The following ZBED6 variants were observed in gnomAD, a reference collection of about 807,000 sequenced individuals.
The protein encoded by ZBED6 is zinc finger BED-type containing 6, also known as zinc finger BED domain-containing protein 6.
A neutral mutation model predicts 58.4 loss-of-function variants in ZBED6; 40 were observed. The ratio of observed to expected loss-of-function variants is 0.68; its 90% CI spans 0.53 to 0.89. The LOEUF (loss-of-function observed/expected upper bound fraction) is 0.89. Among genes scored for constraint, ZBED6 ranks in the 40% least tolerant of loss-of-function variants. ZBED6 has a pLI of 0.00. For missense variants in ZBED6, 1,057 were observed against 1,003.9 expected (o/e 1.05, Z -0.71); for synonymous variants, 439 against 350.6 (o/e 1.25, Z -2.82).
chr1:203,826,368 T>C (rs1356140696), intron 3 of ZBED6, among the ~76,000 whole-genome samples: 2 of 148,878 alleles, frequency 1.3e-5, no homozygotes, highest in African/African-American at 2.5e-5. Flanking sequence ...TAAATAAATA[T>C]TGATTAATAA....
chr1:203,820,487 T>TGTGTGTGTG (rs1553263519), intron 3 of ZBED6, among the ~76,000 whole-genome samples: 3 of 152,048 alleles, frequency 2.0e-5, no homozygotes, highest in Non-Finnish European at 2.9e-5. Context: ...TGTGTGTATA[T>TGTGTGTGTG]TTTGAGTTGA....
intron 4 of ZBED6, 43 bp downstream of exon 4, chr1:203,828,465 C>A: frequency 1.3e-6 from 2 of 1,562,550 alleles, no homozygotes; most frequent in East Asian, 2.4e-5. Context: ...AAATGAACAC[C>A]TATTATGCAC....
At position 203,831,760 on chromosome 1, in the gene ZBED6, C is replaced by G. The variant is rs371694128; in HGVS notation, c.*3499C>G. 2.7e-5 allele frequency: 44 copies of G among 1,611,518 alleles called. No individual in the cohort carries two copies. The highest frequency in any genetic ancestry group is 2.7e-4 in the Admixed American group (16 of 59,798). ...ACTGTGGTGAGGACAGTAACTCTCT[C>G]CACCAAACAAGGTAAGGTATAGATA... On this transcript the variant is annotated 3_prime_UTR_variant, in exon 8 of 17. Coordinates refer to ENST00000550078, the Ensembl canonical transcript of ZBED6.
chr1:203,804,763 T>C (rs11240538), intron 1 of ZBED6, among the ~76,000 whole-genome samples: 28,481 of 150,728 alleles, frequency 0.19, 3,183 homozygotes, highest in East Asian at 0.44. Flanking sequence ...ACCTCTGCCT[T>C]CCAGGTTCAA....
chr1:203,828,727 C>T (rs1038281210), intron 4 of ZBED6, among the ~76,000 whole-genome samples: 30 of 152,088 alleles, frequency 2.0e-4, no homozygotes, highest in African/African-American at 6.3e-4. Context: ...AAAACTGGTC[C>T]TCTGCCTGTT....
exon 17 of ZBED6, chr1:203,854,021 C>CT (rs1689729841): frequency 6.6e-6 from 1 of 152,576 alleles, no homozygotes; most frequent in African/African-American, 2.4e-5. Context: ...ATTTAAAGCA[C>CT]TTGTATTAGT....
At chr1:203,850,074 A>C (rs766702893) in intron 14 of ZBED6, 48 bp downstream of exon 14, 1 of 1,565,868 alleles carries the variant, frequency 6.4e-7, no homozygotes, top group African/African-American at 1.4e-5. Context: ...AAAATTACCA[A>C]ATTCAACCCA....
chr1:203,852,390 T>G (rs761384405), exon 17 of ZBED6: 2 of 1,613,794 alleles, frequency 1.2e-6, no homozygotes, highest in Non-Finnish European at 1.7e-6. Context: ...CAGAAATGAT[T>G]GATAGCTGAA....
At chr1:203,797,481 C>G in exon 1 of ZBED6, 1 of 1,447,532 alleles carries the variant, frequency 6.9e-7, no homozygotes, top group Admixed American at 2.8e-5. Context: ...AGTAATAAAC[C>G]CACTAACAGA....
chr1:203,844,235 C>G (rs969886527), intron 11 of ZBED6, among the ~76,000 whole-genome samples: 2 of 152,068 alleles, frequency 1.3e-5, no homozygotes, highest in African/African-American at 4.8e-5. Flanking sequence ...GATCTCAGCT[C>G]ACTGCAACCT....
intron 3 of ZBED6, among the ~76,000 whole-genome samples, chr1:203,821,690 A>G (rs1678749698): frequency 1.3e-5 from 2 of 152,204 alleles, no homozygotes; most frequent in South Asian, 4.1e-4. Context: ...AGGTCCTCTC[A>G]GTGGACAGAG....
At chr1:203,826,703 T>C (rs1042864746) in intron 3 of ZBED6, among the ~76,000 whole-genome samples, 17 of 152,234 alleles carry the variant, frequency 1.1e-4, no homozygotes, top group South Asian at 2.1e-4. Context: ...CTGGTGTTTT[T>C]TCCTGGAATT....
chr1:203,825,588 C>G (rs1680273468), intron 3 of ZBED6, among the ~76,000 whole-genome samples: 1 of 152,060 alleles, frequency 6.6e-6, no homozygotes, highest in Non-Finnish European at 1.5e-5. Flanking sequence ...GCGCCCTCCA[C>G]CATGCCCAGC....
chr1:203,849,878 G>A, exon 14 of ZBED6: 3 of 1,614,078 alleles, frequency 1.9e-6, no homozygotes, highest in Non-Finnish European at 2.5e-6. Flanking sequence ...AGAAACCAGT[G>A]CTCACTGCTG....
chr1:203,799,128 A>G (rs1024718112), exon 1 of ZBED6: 15 of 1,520,034 alleles, frequency 9.9e-6, no homozygotes, highest in Non-Finnish European at 1.3e-5. Context: ...AGACTGTTTG[A>G]TAACCAATAT....
At chr1:203,806,994 T>G (rs1672632702) in intron 1 of ZBED6, among the ~76,000 whole-genome samples, 1 of 152,070 alleles carries the variant, frequency 6.6e-6, no homozygotes, top group Non-Finnish European at 1.5e-5. Flanking sequence ...TTTCCTAATG[T>G]TAACCCATTC....
chr1:203,846,518 C>G (rs1283602641), intron 11 of ZBED6, among the ~76,000 whole-genome samples: 1 of 152,122 alleles, frequency 6.6e-6, no homozygotes, highest in Non-Finnish European at 1.5e-5. Flanking sequence ...ATTATACCTA[C>G]CTTATCAAAG....
rs187906146 is a variant in ZBED6, at chr1:203,823,627, A to G, written c.*2874-4672A>G. ...CCAAGAGCAAGCCTTGCAAGCAGGCATTTCTAAGGACAGTAGTCTAAGAGC... is the reference window on the plus strand; with the variant it reads ...CCAAGAGCAAGCCTTGCAAGCAGGCGTTTCTAAGGACAGTAGTCTAAGAGC... On this transcript the variant is annotated intron_variant, in intron 3 of 16. Transcript: ENST00000550078. Among the ~76,000 whole-genome samples, 12 of 152,348 alleles carry G rather than the reference A, an allele frequency of 7.9e-5. 1 individual carries two copies. Among genetic ancestry groups the G allele is most frequent in the Admixed American group, 7.8e-4 (12 of 15,300 alleles).
intron 11 of ZBED6, 42 bp from the exon 12 acceptor site, chr1:203,847,142 G>T: frequency 1.2e-6 from 2 of 1,601,848 alleles, no homozygotes; most frequent in South Asian, 2.3e-5. Context: ...AGTAAGAGAT[G>T]AACTTCAAGT....
Sources: gnomAD v4.1 joint callset for allele counts (sites outside exome capture counted in the v4.1 genomes callset) on GRCh38, gnomAD v4.1.1 for gene constraint, MANE v1.5 for transcripts, NCBI Gene and HGNC (gene_info 2026-07-23, HGNC 2026-07-21) for gene names.